Variants in SPEN observed in about 807,000 individuals in gnomAD.
SPEN encodes spen family transcriptional repressor.
SPEN carries 18 observed loss-of-function variants against 269.9 expected under a neutral mutation model. The observed-to-expected ratio is 0.07, with a 90% CI of 0.05 to 0.10. SPEN has a LOEUF of 0.10. SPEN is among the 10% of genes least tolerant of loss of function. The pLI is 1.00. For missense variants in SPEN, 3,822 were observed against 4,631.2 expected, an observed-to-expected ratio of 0.83 and a Z score of 5.07; for synonymous variants, 1,726 against 1,765.7, an observed-to-expected ratio of 0.98 and a Z score of 0.56.
rs150185177 is a variant in SPEN, at chr1:15,931,549, A to T, written c.5309A>T (p.Asn1770Ile). Reference protein sequence around the residue: ...SKPAQKSEEANEPKAEKPDAT... With the variant: ...SKPAQKSEEAIEPKAEKPDAT... Reference sequence around the variant, plus strand: ...CCAGCTCAGAAGTCTGAGGAAGCCAATGAGCCAAAGGCCGAAAAGCCAGAC... The same window carrying T: ...CCAGCTCAGAAGTCTGAGGAAGCCATTGAGCCAAAGGCCGAAAAGCCAGAC... The change falls in exon 11 of 15, where the codon AAT (asparagine) becomes ATT (isoleucine). Residue 1770 changes from asparagine to isoleucine, a missense_variant. Around this residue, in one of 16 missense-constraint regions of SPEN, gnomAD observed 533 missense variants for 618.8 expected, o/e 0.86. Coordinates refer to ENST00000375759, the MANE Select transcript of SPEN (RefSeq NM_015001.3). This position sits in a 1 kb window ranked among gnomAD's most constrained non-coding sequence, Gnocchi z 4.8. The T allele has an allele frequency of 6.2e-7, 1 of 1,614,086 alleles. No homozygotes were observed. Among genetic ancestry groups the T allele is most frequent in the Admixed American group, 1.7e-5 (1 of 59,998 alleles).
intron 6 of SPEN, chr1:15,917,963 T>C (rs2071080858): frequency 6.6e-6 from 1 of 152,220 alleles, no homozygotes; most frequent in Non-Finnish European, 1.5e-5. Flanking sequence ...CCAATGTCCT[T>C]CCTTGCTGAT....
intron 2 of SPEN, among the ~76,000 whole-genome samples, chr1:15,874,859 A>G (rs1569991124): frequency 1.3e-5 from 2 of 152,336 alleles, no homozygotes; most frequent in Admixed American, 1.3e-4. Flanking sequence ...AATAGCAGCA[A>G]AAAAAGCTAA....
chr1:15,922,259 C>T lies in SPEN; in HGVS notation c.1760C>T (p.Ala587Val). Residue 587 changes from alanine to valine, a missense_variant, in exon 10 of 15, where the codon GCA (alanine) becomes GTA (valine). By Grantham distance (64) the Ala-to-Val change is moderately conservative (BLOSUM62 0). This residue lies in a region of SPEN where 230 missense variants were observed against 426.1 expected (regional missense o/e 0.54). Transcript: ENST00000375759. ...TTTTTTTTTTTAAAGGTGGATTTTG[C>T]AAATCGGGAAAGTCAGCTGGCTTTT... ...IGGNKIKVDF[A>V]NRESQLAFYH... 2 of 1,594,834 alleles carry T rather than the reference C, an allele frequency of 1.3e-6. No homozygotes were observed. Among genetic ancestry groups the T allele is most frequent in the Non-Finnish European group, 1.7e-6 (2 of 1,174,924 alleles).
intron 1 of SPEN, among the ~76,000 whole-genome samples, chr1:15,853,443 TC>T (rs879521002): frequency 6.6e-6 from 1 of 151,864 alleles, no homozygotes; most frequent in African/African-American, 2.4e-5. Context: ...TGCCTTAGCC[TC>T]CCAAAGTGCT....
rs2071290579 is a variant in SPEN, at chr1:15,937,712, T to TC, written c.10509+70dup. 1.9e-6 allele frequency: 3 copies of TC among 1,605,966 alleles called. No individual in the cohort carries two copies. Among genetic ancestry groups the TC allele is most frequent in the Non-Finnish European group, 2.6e-6 (3 of 1,174,834 alleles). ...TATGCCATGTCAAATGTCCTAAGAT[T>TC]CCCTAGTTAACAGACCCACAAGCTA... is the stretch of plus-strand genomic sequence containing the variant. On this transcript the variant is annotated intron_variant, in intron 12 of 14. Transcript: ENST00000375759. This position sits in a 1 kb window ranked among gnomAD's most constrained non-coding sequence, Gnocchi z 5.7.
intron 3 of SPEN, among the ~76,000 whole-genome samples, chr1:15,882,485 C>T (rs1249606244): frequency 2.0e-5 from 3 of 152,096 alleles, no homozygotes; most frequent in African/African-American, 7.2e-5. Context: ...GATGGTGAAA[C>T]CCCATCTCTA....
intron 9 of SPEN, 87 bp downstream of exon 9, chr1:15,921,070 A>G (rs1469587949): frequency 1.3e-6 from 1 of 747,322 alleles, no homozygotes; most frequent in African/African-American, 1.8e-5. Flanking sequence ...TCACGCCTGT[A>G]ATCCCAGCAC....
At chr1:15,877,249 A>G (rs561405051) in intron 3 of SPEN, among the ~76,000 whole-genome samples, 6 of 152,282 alleles carry the variant, frequency 3.9e-5, no homozygotes, top group Non-Finnish European at 7.4e-5. Context: ...TGATCTCACT[A>G]GTTGAGAATT....
intron 1 of SPEN, among the ~76,000 whole-genome samples, chr1:15,869,130 C>T (rs1317402810): frequency 6.6e-6 from 1 of 152,130 alleles, no homozygotes; most frequent in African/African-American, 2.4e-5. Flanking sequence ...GATCTCGGCT[C>T]ACTGTAGTCT....
At chr1:15,888,505 G>C (rs376086185) in intron 3 of SPEN, among the ~76,000 whole-genome samples, 2 of 151,846 alleles carry the variant, frequency 1.3e-5, no homozygotes, top group East Asian at 1.9e-4. Context: ...TGTATTTTTA[G>C]TAGAGACAGG....
intron 5 of SPEN, among the ~76,000 whole-genome samples, chr1:15,914,805 CAA>C (rs2071042782): frequency 1.3e-5 from 2 of 152,018 alleles, no homozygotes; most frequent in South Asian, 4.2e-4. Flanking sequence ...GCCTGGGTGA[CAA>C]GAGTGAAACT....
At chr1:15,892,318 C>T (rs2070798478) in intron 3 of SPEN, among the ~76,000 whole-genome samples, 1 of 152,078 alleles carries the variant, frequency 6.6e-6, no homozygotes, top group Non-Finnish European at 1.5e-5. Context: ...GCCACTGCTC[C>T]CAGCTCTTCG....
chr1:15,904,742 C>T (rs928178785), intron 3 of SPEN, among the ~76,000 whole-genome samples: 1 of 147,332 alleles, frequency 6.8e-6, no homozygotes, highest in Non-Finnish European at 1.5e-5. Flanking sequence ...CATGAGCCAC[C>T]GTGCCTGTAA....
chr1:15,887,520 C>T (rs2070748267), intron 3 of SPEN, among the ~76,000 whole-genome samples: 4 of 150,870 alleles, frequency 2.7e-5, no homozygotes, highest in Admixed American at 2.6e-4. Flanking sequence ...TGGTCTTGAT[C>T]TCCTGACCTC....
At chr1:15,872,477 G>A (rs1310480740) in intron 1 of SPEN, among the ~76,000 whole-genome samples, 4 of 151,710 alleles carry the variant, frequency 2.6e-5, no homozygotes, top group Non-Finnish European at 5.9e-5. Context: ...GCAGGTGCCT[G>A]TAGTCCCAGC....
chr1:15,937,333 A>G lies in SPEN; in HGVS notation c.10197A>G (p.Val3399=). 6.2e-7 allele frequency: 1 copy of G among 1,613,998 alleles called. No homozygotes were observed. Residue 3399 remains valine, a synonymous_variant, in exon 12 of 15, where the codon GTA becomes GTG. Transcript: ENST00000375759. The surrounding 1 kb of genome is among the most constrained non-coding windows in gnomAD (Gnocchi z 5.7). ...AGGCAAAGGGGACCCAGACGGGAGT[A>G]GAGCAGCCTCGCCTCCCAGCTGGAC... ...SQEAKGTQTG[V]EQPRLPAGPA...
At chr1:15,923,732 C>T (rs1451941139) in intron 10 of SPEN, among the ~76,000 whole-genome samples, 9 of 149,960 alleles carry the variant, frequency 6.0e-5, no homozygotes, top group African/African-American at 1.7e-4. Context: ...TGCAGTGATG[C>T]GATATTGGCT....
intron 1 of SPEN, among the ~76,000 whole-genome samples, chr1:15,850,444 TAGAC>T (rs1186418587): frequency 9.2e-5 from 14 of 152,036 alleles, no homozygotes; most frequent in South Asian, 2.1e-4. Context: ...GTTGTTTAAA[TAGAC>T]AGTACATTTT....
At chr1:15,850,389 T>C (rs1299425081) in intron 1 of SPEN, among the ~76,000 whole-genome samples, 1 of 92,196 alleles carries the variant, frequency 1.1e-5, no homozygotes, top group African/African-American at 5.0e-5. Flanking sequence ...TGAAATTCTT[T>C]TATTTTAAAG....
Sources: gnomAD v4.1 joint callset for allele counts (sites outside exome capture counted in the v4.1 genomes callset) on GRCh38, gnomAD v4.1.1 for gene constraint, gnomAD v4.1.1 regional missense constraint, Gnocchi (gnomAD v3.1) non-coding constraint, MANE v1.5 for transcripts, NCBI Gene and HGNC (gene_info 2026-07-23, HGNC 2026-07-21) for gene names.